PCDH15: variants seen among roughly 807,000 people sequenced by gnomAD.
PCDH15 encodes the protein protocadherin related 15, also known as protocadherin-15.
Under a neutral mutation model 178.5 loss-of-function variants are expected in PCDH15, and 129 were observed. The ratio of observed to expected loss-of-function variants is 0.72; its 90% CI spans 0.63 to 0.84. The LOEUF is 0.84. Ranked by LOEUF, PCDH15 falls within the 40% of genes least tolerant of loss-of-function variation. PCDH15 has a pLI of 0.00. For missense variants in PCDH15, 2,230 were observed against 2,099.9 expected, an observed-to-expected ratio of 1.06 and a Z score of -1.21; for synonymous variants, 800 against 732.0, an observed-to-expected ratio of 1.09 and a Z score of -1.50.
At chr10:54,520,305 A>T (rs1271767904) in intron 3 of PCDH15, among the ~76,000 whole-genome samples, 1 of 152,168 alleles carries the variant, frequency 6.6e-6, no homozygotes, top group Non-Finnish European at 1.5e-5. Context: ...AATTTTTGCA[A>T]CCTACTCATC....
intron 2 of PCDH15, among the ~76,000 whole-genome samples, chr10:55,531,986 T>C (rs1453274412): frequency 6.6e-6 from 1 of 152,008 alleles, no homozygotes; most frequent in East Asian, 1.9e-4. Flanking sequence ...AGTGAATAAA[T>C]AGATTTTTTT....
intron 3 of PCDH15, among the ~76,000 whole-genome samples, chr10:54,880,648 T>G (rs1176830138): frequency 6.6e-6 from 1 of 151,584 alleles, no homozygotes; most frequent in Non-Finnish European, 1.5e-5. Flanking sequence ...TTAGTTGGAA[T>G]GAAAACTGAC....
intron 8 of PCDH15, among the ~76,000 whole-genome samples, chr10:54,312,901 A>G (rs1425481972): frequency 6.6e-6 from 1 of 152,018 alleles, no homozygotes; most frequent in Non-Finnish European, 1.5e-5. Context: ...CTAGGCTTAC[A>G]AGTAAATATA....
At chr10:54,027,693 G>C (rs1565058601) in intron 18 of PCDH15, among the ~76,000 whole-genome samples, 1 of 148,126 alleles carries the variant, frequency 6.8e-6, no homozygotes, top group Non-Finnish European at 1.5e-5. Flanking sequence ...AATGGGGAAA[G>C]GATTCCCTAT....
chr10:54,822,416 C>G (rs571801862), intron 3 of PCDH15, among the ~76,000 whole-genome samples: 5 of 152,262 alleles, frequency 3.3e-5, no homozygotes, highest in African/African-American at 1.2e-4. Context: ...GCTTATTTCA[C>G]TTAGCATAAT....
Position 55,376,550 on chromosome 10 carries a change from G to T in PCDH15, c.-155-209899C>A, listed in dbSNP as rs142932490. On this transcript the variant is annotated intron_variant, in intron 2 of 5. Transcript: ENST00000613346. ...AATCATGTTCTGCTTTAGTTTTCCA[G>T]AGACTCCCATTTTTAGCTTTGATTA... is the stretch of plus-strand genomic sequence containing the variant. 9.1e-3 allele frequency among the ~76,000 whole-genome samples: 1,390 copies of T among 152,130 alleles called. 26 individuals are homozygous for T. Among genetic ancestry groups the T allele is most frequent in the African/African-American group, 0.032 (1,340 of 41,542 alleles).
At chr10:54,393,878 T>A (rs1950860083) in intron 3 of PCDH15, among the ~76,000 whole-genome samples, 1 of 152,126 alleles carries the variant, frequency 6.6e-6, no homozygotes, top group Non-Finnish European at 1.5e-5. Flanking sequence ...CATTTCTAGG[T>A]TGACTAATTT....
At chr10:54,666,478 G>T (rs926790060) in intron 1 of PCDH15, among the ~76,000 whole-genome samples, 1 of 152,068 alleles carries the variant, frequency 6.6e-6, no homozygotes, top group Non-Finnish European at 1.5e-5. Context: ...AGGAGAGCCT[G>T]CTGTATTGCT....
At chr10:54,323,429 T>C (rs957775737) in intron 7 of PCDH15, among the ~76,000 whole-genome samples, 2 of 152,112 alleles carry the variant, frequency 1.3e-5, no homozygotes, top group African/African-American at 4.8e-5. Context: ...TTAATTGCCA[T>C]GCTATTCACA....
rs1389984391 is a variant in PCDH15, at chr10:55,130,679, ACGTGTGTG to A, written c.-80+35889_-80+35896del. ...GCTTAACATGTATAAACACACATAC[ACGTGTGTG>A]TGTGTGTGTGTGTGTGTGTGTGTGT... On this transcript the variant is annotated intron_variant, in intron 2 of 5. Coordinates refer to the PCDH15 transcript ENST00000458638. Among the ~76,000 whole-genome samples the A allele has an allele frequency of 8.0e-5, 7 of 87,390 alleles. No individual in the cohort carries two copies. The East Asian group carries it at 9.6e-4, about 12-fold the overall frequency. The allele number at this position is 87,390 out of a possible 152,430, so 57.3% of individuals were successfully genotyped here.
intron 2 of PCDH15, among the ~76,000 whole-genome samples, chr10:55,099,846 A>T (rs1842535135): frequency 6.6e-6 from 1 of 152,150 alleles, no homozygotes. Flanking sequence ...CATTACTCAT[A>T]GCAGTGGATA....
At chr10:54,941,062 T>C (rs1432139016) in intron 2 of PCDH15, among the ~76,000 whole-genome samples, 2 of 152,270 alleles carry the variant, frequency 1.3e-5, no homozygotes, top group African/African-American at 4.8e-5. Context: ...TTTTTGTGTT[T>C]TCTGTATGCT....
At chr10:54,479,388 A>G (rs1466977529) in intron 3 of PCDH15, among the ~76,000 whole-genome samples, 1 of 152,054 alleles carries the variant, frequency 6.6e-6, no homozygotes, top group Non-Finnish European at 1.5e-5. Flanking sequence ...GTGTGTGTGT[A>G]ACATATTGAA....
At chr10:55,046,796 T>C (rs774527188) in intron 2 of PCDH15, among the ~76,000 whole-genome samples, 13 of 151,902 alleles carry the variant, frequency 8.6e-5, no homozygotes, top group Non-Finnish European at 1.9e-4. Flanking sequence ...TGGCATCTCT[T>C]TCACACAGTT....
At position 55,516,512 on chromosome 10, in the gene PCDH15, T is replaced by C. The variant is rs185676458; in HGVS notation, c.-156+111113A>G. 1.4e-4 allele frequency among the ~76,000 whole-genome samples: 21 copies of C among 150,252 alleles called. No homozygotes were observed. The East Asian group carries it at 3.7e-3, about 26-fold the overall frequency. On this transcript the variant is annotated intron_variant, in intron 2 of 5. Transcript: ENST00000613346. ...TTTCAAGGAGGAACACAACTCAGAC[T>C]GTGTCTTTCTGAATAGCAATGTCTG...
rs770322907 is a variant in PCDH15, at chr10:53,806,693, G to GTCAA, written c.5105_5108dup (p.Ser1704Ter). The GTCAA allele has an allele frequency of 6.8e-5, 110 of 1,613,728 alleles. No individual in the cohort carries two copies. Among genetic ancestry groups the GTCAA allele is most frequent in the Middle Eastern group, 3.3e-4 (2 of 6,084 alleles). Reference sequence around the variant, plus strand: ...CCAAAGCCTCCTTGATGTTCTTACTGTCAATCATGGACTCCTGTTCAACTG... The same window carrying GTCAA: ...CCAAAGCCTCCTTGATGTTCTTACTGTCAATCAATCATGGACTCCTGTTCAACTG... On this transcript the variant is annotated stop_gained and frameshift_variant, in exon 38 of 38. Transcript: ENST00000644397. LOFTEE classifies it high-confidence loss of function.
intron 11 of PCDH15, 132 bp from the exon 12 acceptor site, chr10:54,185,400 G>T: frequency 2.0e-6 from 2 of 1,003,258 alleles, no homozygotes; most frequent in Non-Finnish European, 1.5e-6. Context: ...AACGATAAAA[G>T]ATATTTAACT....
intron 1 of PCDH15, among the ~76,000 whole-genome samples, chr10:54,752,515 AAC>A (rs1391580026): frequency 4.4e-5 from 4 of 91,674 alleles, no homozygotes; most frequent in African/African-American, 1.5e-4. Context: ...ACAAAAAACA[AAC>A]AAACAAACAA....
chr10:54,647,829 G>A (rs981762861), intron 2 of PCDH15, among the ~76,000 whole-genome samples: 3 of 152,066 alleles, frequency 2.0e-5, no homozygotes, highest in Admixed American at 1.3e-4. Context: ...AGTGGTGAAT[G>A]TTTTTATCAT....
Sources: gnomAD v4.1 joint callset for allele counts (sites outside exome capture counted in the v4.1 genomes callset) on GRCh38, gnomAD v4.1.1 for gene constraint, MANE v1.5 for transcripts, NCBI Gene and HGNC (gene_info 2026-07-23, HGNC 2026-07-21) for gene names.